The following ZBTB38 variants were observed in gnomAD, a reference collection of about 807,000 sequenced individuals.
ZBTB38 encodes zinc finger and BTB domain-containing protein 38.
ZBTB38 carries 20 observed loss-of-function variants against 76.8 expected under a neutral mutation model. The observed-to-expected ratio is 0.26, with a 90% CI of 0.18 to 0.38. The LOEUF is 0.38. Ranked by LOEUF, ZBTB38 falls within the 10% of genes least tolerant of loss-of-function variation. ZBTB38 has a pLI of 1.00. For missense variants in ZBTB38, 1,082 were observed against 1,482.3 expected (o/e 0.73, Z 4.43); for synonymous variants, 504 against 544.2 (o/e 0.93, Z 1.03).
At chr3:141,432,163 C>T in intron 5 of ZBTB38, 1 of 985,508 alleles carries the variant, frequency 1.0e-6, no homozygotes, top group Non-Finnish European at 1.2e-6. Context: ...GAATAACAGA[C>T]CTGCGCAGTA....
chr3:141,415,629 A>G (rs2073833297), intron 5 of ZBTB38, among the ~76,000 whole-genome samples: 2 of 152,226 alleles, frequency 1.3e-5, no homozygotes, highest in Non-Finnish European at 2.9e-5. Flanking sequence ...AGACTGACAT[A>G]GAGATTGGCC....
chr3:141,419,879 G>A (rs1305133157), intron 5 of ZBTB38, among the ~76,000 whole-genome samples: 1 of 152,098 alleles, frequency 6.6e-6, no homozygotes, highest in Non-Finnish European at 1.5e-5. Flanking sequence ...CCAGCTACTC[G>A]GGAAGGCTGA....
At chr3:141,370,355 CGT>C (rs1944365320) in intron 2 of ZBTB38, among the ~76,000 whole-genome samples, 2 of 152,180 alleles carry the variant, frequency 1.3e-5, no homozygotes, top group South Asian at 4.1e-4. Context: ...AGAAGTGGTG[CGT>C]GTTACTTCTA....
intron 1 of ZBTB38, among the ~76,000 whole-genome samples, chr3:141,356,899 A>C (rs1943678764): frequency 6.6e-6 from 1 of 152,260 alleles, no homozygotes; most frequent in South Asian, 2.1e-4. Context: ...TTAATCATCA[A>C]GAATGACTTT....
intron 1 of ZBTB38, among the ~76,000 whole-genome samples, chr3:141,335,958 G>T (rs905241311): frequency 1.3e-5 from 2 of 152,086 alleles, no homozygotes; most frequent in Admixed American, 1.3e-4. Flanking sequence ...AGTGTCAAAG[G>T]GTATGAAATT....
At chr3:141,398,672 A>T (rs1281922452) in intron 4 of ZBTB38, among the ~76,000 whole-genome samples, 1 of 152,096 alleles carries the variant, frequency 6.6e-6, no homozygotes, top group African/African-American at 2.4e-5. Flanking sequence ...TTCTTGTAAC[A>T]CTTCTATAAG....
Position 141,442,473 on chromosome 3 carries a change from C to A in ZBTB38, c.85C>A (p.Arg29=), listed in dbSNP as rs373770992. ...VLSILNEQRI[R]GILCDVTIIV... is the part of the protein sequence containing the mutation. ...CTCCATCTTAAATGAGCAGCGCATT[C>A]GGGGCATTTTATGCGATGTCACTAT... Residue 29 remains arginine, a synonymous_variant, in exon 6 of 6, where the codon CGG becomes AGG. Transcript: ENST00000321464. This position sits in a 1 kb window ranked among gnomAD's most constrained non-coding sequence, Gnocchi z 6.4. The A allele has an allele frequency of 9.4e-5, 151 of 1,614,044 alleles. No individual in the cohort carries two copies. The highest frequency in any genetic ancestry group is 1.1e-4 in the Non-Finnish European group (135 of 1,180,054).
chr3:141,420,600 C>T (rs1421596393), intron 5 of ZBTB38, among the ~76,000 whole-genome samples: 2 of 152,120 alleles, frequency 1.3e-5, no homozygotes, highest in Non-Finnish European at 2.9e-5. Flanking sequence ...AAGATGAAGC[C>T]AAGGCTTTCT....
rs2080694531 is a variant in ZBTB38, at chr3:141,443,651, A to G, written c.1263A>G (p.Ser421=). ...CTACCATTGGACAAAATGGAGGTTC[A>G]TTCACAGGTCCAGAACCTTTATTAT... The part of the protein sequence containing the change: ...NYPTIGQNGG[S]FTGPEPLLSE... Residue 421 remains serine, a synonymous_variant, in exon 6 of 6, where the codon TCA becomes TCG. Coordinates refer to ENST00000321464, the MANE Select transcript of ZBTB38 (RefSeq NM_001376113.1). The surrounding 1 kb of genome is among the most constrained non-coding windows in gnomAD (Gnocchi z 5.6). The G allele has an allele frequency of 6.2e-7, 1 of 1,614,118 alleles. No homozygotes were observed. Among genetic ancestry groups the G allele is most frequent in the Non-Finnish European group, 8.5e-7 (1 of 1,180,046 alleles).
At position 141,397,478 on chromosome 3, in the gene ZBTB38, A is replaced by T. The variant is rs147804092; in HGVS notation, c.-105-6449A>T. On this transcript the variant is annotated intron_variant, in intron 4 of 5. Coordinates refer to ENST00000321464, the MANE Select transcript of ZBTB38 (RefSeq NM_001376113.1). ...TGGAGTATCCCTTTTAATTTCCTTC[A>T]GGAGCTTTTCCTTACAACTTGGCTA... is the stretch of plus-strand genomic sequence containing the variant. Among the ~76,000 whole-genome samples the T allele has an allele frequency of 1.6e-3, 238 of 152,280 alleles. 2 individuals carry two copies. The highest frequency in any genetic ancestry group is 5.5e-3 in the African/African-American group (229 of 41,556).
intron 2 of ZBTB38, among the ~76,000 whole-genome samples, chr3:141,370,195 T>C (rs1350649724): frequency 6.6e-6 from 1 of 152,258 alleles, no homozygotes; most frequent in Non-Finnish European, 1.5e-5. Context: ...CAACTGTCTT[T>C]CATGCATTCA....
intron 1 of ZBTB38, among the ~76,000 whole-genome samples, chr3:141,353,057 C>T (rs551005280): frequency 3.3e-5 from 5 of 152,176 alleles, no homozygotes; most frequent in African/African-American, 1.2e-4. Flanking sequence ...TATGTGCAGA[C>T]CATGATGAAG....
chr3:141,407,046 T>G (rs945727132), intron 5 of ZBTB38, among the ~76,000 whole-genome samples: 1 of 152,226 alleles, frequency 6.6e-6, no homozygotes, highest in African/African-American at 2.4e-5. Context: ...TTCAGGCTGT[T>G]AAATGTGGTT....
At chr3:141,332,733 A>G (rs1159159275) in intron 1 of ZBTB38, among the ~76,000 whole-genome samples, 1 of 152,180 alleles carries the variant, frequency 6.6e-6, no homozygotes, top group Non-Finnish European at 1.5e-5. Flanking sequence ...GAAAGAAGAA[A>G]CCCAGAGGGC....
chr3:141,367,029 G>A (rs1327733018), upstream of ZBTB38: 1 of 152,280 alleles, frequency 6.6e-6, no homozygotes, highest in Non-Finnish European at 1.5e-5. Flanking sequence ...GGCGCTAAGA[G>A]TAGAAAGTAA....
rs1187295900 is a variant in ZBTB38 at position 141,443,261 on chromosome 3, G to A, written c.873G>A (p.Glu291=). Residue 291 remains glutamate, a synonymous_variant, in exon 6 of 6, where the codon GAG becomes GAA. Coordinates refer to ENST00000321464, the MANE Select transcript of ZBTB38 (RefSeq NM_001376113.1). This position sits in a 1 kb window ranked among gnomAD's most constrained non-coding sequence, Gnocchi z 5.6. The part of the protein sequence containing the change: ...NIPPPPVSNL[E]VNQERSPQPA... ...CACCCCCTCCAGTATCCAACTTAGA[G>A]GTTAATCAAGAAAGAAGTCCACAAC... The A allele has an allele frequency of 4.3e-6, 7 of 1,614,172 alleles. No homozygotes were observed. Among genetic ancestry groups the A allele is most frequent in the Non-Finnish European group, 5.9e-6 (7 of 1,180,002 alleles).
chr3:141,436,682 G>T (rs1330156927), intron 5 of ZBTB38, among the ~76,000 whole-genome samples: 3 of 152,076 alleles, frequency 2.0e-5, no homozygotes, highest in Non-Finnish European at 4.4e-5. Context: ...ATTTTTAATA[G>T]AGATAGAGTT....
At chr3:141,355,570 G>A (rs140391119) in intron 1 of ZBTB38, among the ~76,000 whole-genome samples, 28 of 152,144 alleles carry the variant, frequency 1.8e-4, no homozygotes, top group African/African-American at 5.3e-4. Context: ...GCCCTACTCC[G>A]GCTCTCAAAG....
intron 5 of ZBTB38, among the ~76,000 whole-genome samples, chr3:141,432,710 G>A (rs1024655526): frequency 6.6e-6 from 1 of 152,218 alleles, no homozygotes; most frequent in Non-Finnish European, 1.5e-5. Context: ...GTTTTCTTCT[G>A]TGCATTTCAG....
Sources: allele counts gnomAD v4.1 joint callset (sites outside exome capture counted in the v4.1 genomes callset), GRCh38; gene constraint gnomAD v4.1.1; non-coding constraint Gnocchi (gnomAD v3.1); transcripts MANE v1.5; gene names NCBI Gene and HGNC (gene_info 2026-07-23, HGNC 2026-07-21).